Variants in TRDN observed in about 807,000 individuals in gnomAD.
TRDN encodes triadin.
In TRDN, 161 loss-of-function variants were observed where a neutral mutation model predicts 149.7. The observed-to-expected ratio is 1.08, with a 90% CI of 0.95 to 1.23. The LOEUF is 1.23. TRDN is among the 50% of genes most tolerant of loss of function. TRDN has a pLI of 0.00. For missense variants in TRDN, 896 were observed against 823.5 expected (o/e 1.09, Z -1.08); for synonymous variants, 294 against 250.5 (o/e 1.17, Z -1.64).
intron 4 of TRDN, among the ~76,000 whole-genome samples, chr6:123,534,524 C>G (rs991583489): frequency 1.3e-5 from 2 of 152,076 alleles, no homozygotes; most frequent in Non-Finnish European, 2.9e-5. Flanking sequence ...AAGCTCCTGT[C>G]CAATTCAGTA....
intron 12 of TRDN, among the ~76,000 whole-genome samples, chr6:123,408,300 A>G (rs1359576771): frequency 1.3e-5 from 2 of 152,210 alleles, no homozygotes; most frequent in African/African-American, 4.8e-5. Context: ...GTACTAATTA[A>G]GCACTTGAAT....
chr6:123,481,418 GAA>G lies in TRDN; in HGVS notation c.853+15773_853+15774del, dbSNP rs34840627. On this transcript the variant is annotated intron_variant, in intron 9 of 40. Coordinates refer to ENST00000334268, the MANE Select transcript of TRDN (RefSeq NM_006073.4). ...CTTAGGAAACAGAGTGAAGAAAAAG[GAA>G]AAAAAAAAAAAAAACCTAAGTGGCA... 3.0e-3 allele frequency among the ~76,000 whole-genome samples: 349 copies of G among 116,612 alleles called. 2 individuals carry two copies. Among genetic ancestry groups the G allele is most frequent in the African/African-American group, 9.6e-3 (313 of 32,706 alleles). The allele number at this position is 116,612 out of a possible 152,430, so 76.5% of individuals were successfully genotyped here.
At chr6:123,624,709 A>T (rs565642497) in intron 1 of TRDN, among the ~76,000 whole-genome samples, 7 of 152,242 alleles carry the variant, frequency 4.6e-5, no homozygotes, top group South Asian at 4.1e-4. Context: ...TCGTTTAATG[A>T]TTACCTTTCT....
chr6:123,222,194 A>AGT (rs796090856), intron 39 of TRDN, among the ~76,000 whole-genome samples: 14 of 150,644 alleles, frequency 9.3e-5, no homozygotes, highest in African/African-American at 2.9e-4. Context: ...GTTGTGAGAG[A>AGT]GTGTGTGTGT....
At chr6:123,608,954 C>T (rs1458538507) in intron 1 of TRDN, among the ~76,000 whole-genome samples, 1 of 151,994 alleles carries the variant, frequency 6.6e-6, no homozygotes, top group Admixed American at 6.6e-5. Context: ...AGGCAGATCA[C>T]TTGAGGTCAG....
At chr6:123,559,599 AC>A (rs1781869148) in intron 2 of TRDN, among the ~76,000 whole-genome samples, 1 of 151,900 alleles carries the variant, frequency 6.6e-6, no homozygotes, top group South Asian at 2.1e-4. Context: ...AATCACCCTT[AC>A]CCCAATCAAT....
At chr6:123,432,215 CA>C (rs528980274) in intron 12 of TRDN, among the ~76,000 whole-genome samples, 22 of 152,238 alleles carry the variant, frequency 1.4e-4, no homozygotes, top group Admixed American at 7.9e-4. Context: ...CCTCAGTGAG[CA>C]CAAAAGACAT....
intron 1 of TRDN, among the ~76,000 whole-genome samples, chr6:123,579,459 G>A (rs1169445052): frequency 6.6e-6 from 1 of 152,164 alleles, no homozygotes; most frequent in Non-Finnish European, 1.5e-5. Flanking sequence ...ATTTGCATAT[G>A]TTGAACCAAC....
At chr6:123,617,304 A>T (rs779349984) in intron 1 of TRDN, among the ~76,000 whole-genome samples, 1 of 152,194 alleles carries the variant, frequency 6.6e-6, no homozygotes, top group Non-Finnish European at 1.5e-5. Flanking sequence ...TATATATTGC[A>T]TGTAGGTGGC....
intron 38 of TRDN, among the ~76,000 whole-genome samples, chr6:123,228,058 T>C (rs1775453610): frequency 6.7e-6 from 1 of 149,902 alleles, no homozygotes; most frequent in South Asian, 2.1e-4. Context: ...TCAGGGCCTC[T>C]TGAAAGAGTG....
chr6:123,360,003 G>A (rs187262051), intron 20 of TRDN, among the ~76,000 whole-genome samples: 3 of 152,200 alleles, frequency 2.0e-5, no homozygotes, highest in Middle Eastern at 3.4e-3. Context: ...CCGTGAAGGG[G>A]AATTTTTTTT....
intron 12 of TRDN, among the ~76,000 whole-genome samples, chr6:123,410,828 C>T (rs889881108): frequency 1.3e-4 from 19 of 151,874 alleles, no homozygotes; most frequent in African/African-American, 4.4e-4. Context: ...ATTTCTGTCC[C>T]TTAGTGTGTT....
intron 12 of TRDN, among the ~76,000 whole-genome samples, chr6:123,397,819 G>C (rs950967088): frequency 6.6e-6 from 1 of 152,054 alleles, no homozygotes. Context: ...AGAATAGGAG[G>C]AGAAACAAAC....
chr6:123,517,641 A>C (rs1018057545), intron 5 of TRDN, among the ~76,000 whole-genome samples: 4 of 152,072 alleles, frequency 2.6e-5, no homozygotes, highest in Admixed American at 2.6e-4. Context: ...ATTATAACTA[A>C]ATGCTAGTAG....
At chr6:123,456,633 T>C (rs1016215009) in intron 10 of TRDN, among the ~76,000 whole-genome samples, 1 of 152,118 alleles carries the variant, frequency 6.6e-6, no homozygotes, top group African/African-American at 2.4e-5. Flanking sequence ...CATGCCCGGC[T>C]AATTTTTATA....
At chr6:123,436,693 G>T (rs752136430) in intron 12 of TRDN, among the ~76,000 whole-genome samples, 5 of 151,898 alleles carry the variant, frequency 3.3e-5, no homozygotes, top group African/African-American at 1.2e-4. Context: ...CTCCCCAGAC[G>T]GTTCCCCACC....
At chr6:123,463,632 C>T (rs966005526) in intron 10 of TRDN, among the ~76,000 whole-genome samples, 7 of 152,100 alleles carry the variant, frequency 4.6e-5, no homozygotes, top group East Asian at 1.9e-4. Context: ...TAAGGCAACG[C>T]TATTATTTAT....
In TRDN at chr6:123,334,418, T is replaced by A. The variant is rs1041376401; in HGVS notation, c.1421-2489A>T. Among the ~76,000 whole-genome samples, 4 of 152,078 alleles carry A rather than the reference T, an allele frequency of 2.6e-5. 1 individual carries two copies. The highest frequency in any genetic ancestry group is 4.4e-5 in the Non-Finnish European group (3 of 67,996). The stretch of plus-strand genomic sequence containing the variant: ...ATTACTTAACTACTGTGTTGCCTCT[T>A]TGGATTCAGTTTGCTGTTTCTCAGT... On this transcript the variant is annotated intron_variant, in intron 22 of 40. Coordinates refer to ENST00000334268, the MANE Select transcript of TRDN (RefSeq NM_006073.4).
intron 16 of TRDN, among the ~76,000 whole-genome samples, chr6:123,378,500 G>A (rs1781595515): frequency 7.3e-6 from 1 of 136,428 alleles, no homozygotes; most frequent in South Asian, 2.3e-4. Flanking sequence ...GTGTGTGTGT[G>A]GAGACAAAGT....
Sources: allele counts gnomAD v4.1 joint callset (sites outside exome capture counted in the v4.1 genomes callset), GRCh38; gene constraint gnomAD v4.1.1; transcripts MANE v1.5; gene names NCBI Gene and HGNC (gene_info 2026-07-23, HGNC 2026-07-21).